Variants in CRTAC1 observed in about 807,000 individuals in gnomAD.
CRTAC1 encodes acidic secreted protein in cartilage.
A neutral mutation model predicts 67.8 loss-of-function variants in CRTAC1; 37 were observed. The observed-to-expected ratio is 0.55, with a 90% CI of 0.42 to 0.72. The LOEUF is 0.72. Ranked by LOEUF, CRTAC1 falls within the 30% of genes least tolerant of loss-of-function variation. The pLI is 0.00. For missense variants in CRTAC1, 780 were observed against 931.6 expected (o/e 0.84, Z 2.12); for synonymous variants, 348 against 371.0 (o/e 0.94, Z 0.71).
At chr10:97,967,282 C>G (rs1252196919) in intron 2 of CRTAC1, among the ~76,000 whole-genome samples, 1 of 152,188 alleles carries the variant, frequency 6.6e-6, no homozygotes, top group East Asian at 1.9e-4. Context: ...ATTGGGAGCT[C>G]TTTCAGTTAG....
intron 2 of CRTAC1, among the ~76,000 whole-genome samples, chr10:97,989,640 G>A (rs1842398262): frequency 6.6e-6 from 1 of 152,232 alleles, no homozygotes; most frequent in South Asian, 2.1e-4. Flanking sequence ...GTTACACGTT[G>A]CATGCCATAA....
intron 11 of CRTAC1, among the ~76,000 whole-genome samples, chr10:97,885,084 G>GAT (rs1244480528): frequency 1.3e-5 from 2 of 152,254 alleles, no homozygotes; most frequent in African/African-American, 4.8e-5. Flanking sequence ...AATAATGCCA[G>GAT]ATATTGACAA....
Position 97,991,099 on chromosome 10 carries a change from C to CCAAAAAAA in CRTAC1, c.224+20038_224+20039insTTTTTTTG, listed in dbSNP as rs1554932158. 2.8e-3 allele frequency among the ~76,000 whole-genome samples: 51 copies of CCAAAAAAA among 17,974 alleles called. 1 individual carries two copies. The highest frequency in any genetic ancestry group is 9.0e-3 in the African/African-American group (48 of 5,334). The allele number at this position is 17,974 out of a possible 152,430, so 11.8% of individuals were successfully genotyped here. On this transcript the variant is annotated intron_variant, in intron 2 of 14. Transcript: ENST00000370597. Reference sequence around the variant, plus strand: ...GGCAACATACGAGAAACCATCTCTACAAAAAAAAAAAAAAAAAAAAAAAAA... The same window carrying CCAAAAAAA: ...GGCAACATACGAGAAACCATCTCTACCAAAAAAAAAAAAAAAAAAAAAAAAAAAAAAAA...
chr10:98,004,370 A>T (rs1232114949), intron 2 of CRTAC1, among the ~76,000 whole-genome samples: 1 of 152,240 alleles, frequency 6.6e-6, no homozygotes, highest in Non-Finnish European at 1.5e-5. Context: ...TTAAATCTAC[A>T]TTGACAAAGT....
At chr10:97,984,124 G>A (rs920194182) in intron 2 of CRTAC1, among the ~76,000 whole-genome samples, 3 of 152,140 alleles carry the variant, frequency 2.0e-5, no homozygotes, top group African/African-American at 7.2e-5. Flanking sequence ...ATGTGAAGGC[G>A]AAAATCCCTA....
At chr10:97,881,607 G>A (rs1002338473) in intron 13 of CRTAC1, among the ~76,000 whole-genome samples, 3 of 152,198 alleles carry the variant, frequency 2.0e-5, no homozygotes, top group Non-Finnish European at 2.9e-5. Context: ...CCTGTTGGGC[G>A]ATGAAAAGGA....
chr10:98,005,100 A>ATATATATATATTTTTTTTT, intron 2 of CRTAC1, among the ~76,000 whole-genome samples: 2 of 48,926 alleles, frequency 4.1e-5, no homozygotes, highest in African/African-American at 2.3e-4. Context: ...ATATATATAT[A>ATATATATATATTTTTTTTT]TTTTTTTTTT....
In CRTAC1 at chr10:97,865,526, C is replaced by A. The variant is rs368800333; in HGVS notation, c.*22G>T. On this transcript the variant is annotated 3_prime_UTR_variant, in exon 15 of 15. Coordinates refer to ENST00000370597, the MANE Select transcript of CRTAC1 (RefSeq NM_018058.7). ...CCACTCCCCTGCTGGACTCCATCCG[C>A]TGGTTCATGTCCCACCCCTGCTCAG... is the stretch of plus-strand genomic sequence containing the variant. 59 of 1,589,938 alleles carry A rather than the reference C, an allele frequency of 3.7e-5. No homozygotes were observed. In the African/African-American group the frequency reaches 7.1e-4, roughly 19 times the overall value.
intron 11 of CRTAC1, among the ~76,000 whole-genome samples, chr10:97,894,491 G>A (rs1024727318): frequency 1.3e-5 from 2 of 151,116 alleles, no homozygotes; most frequent in Non-Finnish European, 3.0e-5. Context: ...ACCTCCCTGG[G>A]CTCAGGCGAG....
intron 11 of CRTAC1, among the ~76,000 whole-genome samples, chr10:97,889,437 G>A (rs1227988082): frequency 6.9e-6 from 1 of 145,456 alleles, no homozygotes; most frequent in African/African-American, 2.5e-5. Context: ...GGGTGAAGAG[G>A]GGCTGTGGAA....
chr10:97,963,516 C>T (rs554815016), intron 2 of CRTAC1, among the ~76,000 whole-genome samples: 139 of 152,300 alleles, frequency 9.1e-4, no homozygotes, highest in African/African-American at 2.9e-3. Flanking sequence ...CCTTCTCAAA[C>T]GGAAACCTCA....
In CRTAC1 at chr10:97,936,370, G is replaced by C. The variant is rs2051088759; in HGVS notation, c.225-4C>G. 1 of 1,600,558 alleles carries C rather than the reference G, an allele frequency of 6.2e-7. No individual in the cohort carries two copies. Among genetic ancestry groups the C allele is most frequent in the Non-Finnish European group, 8.6e-7 (1 of 1,169,466 alleles). On this transcript the variant is annotated splice_region_variant and splice_polypyrimidine_tract_variant and intron_variant, in intron 2 of 14. Coordinates refer to ENST00000370597, the MANE Select transcript of CRTAC1 (RefSeq NM_018058.7). Reference sequence around the variant, plus strand: ...AACCAGGTTGGGTCCATTGTACCTGGAGGAGGAATGGGGAGGGGATGCTGG... The same window carrying C: ...AACCAGGTTGGGTCCATTGTACCTGCAGGAGGAATGGGGAGGGGATGCTGG...
Position 97,901,534 on chromosome 10 carries a change from A to G in CRTAC1, c.1102T>C (p.Tyr368His). ...AGGCGGTTGGCTGAGGAGCTGCGGTAGGCAATGTTGTTGAAGAAGATCTCC... is the reference window on the plus strand; with the variant it reads ...AGGCGGTTGGCTGAGGAGCTGCGGTGGGCAATGTTGTTGAAGAAGATCTCC... Reference protein sequence around the residue: ...ELEIFFNNIAYRSSSANRLFR... With the variant: ...ELEIFFNNIAHRSSSANRLFR... Residue 368 changes from tyrosine (Y) to histidine (H), a missense_variant, in exon 8 of 15, where the codon TAC becomes CAC. Physicochemically the swap from Tyr to His is moderately conservative, Grantham distance 83. Coordinates refer to ENST00000370597, the MANE Select transcript of CRTAC1 (RefSeq NM_018058.7). The G allele has an allele frequency of 1.9e-6, 3 of 1,614,194 alleles. No homozygotes were observed. Among genetic ancestry groups the G allele is most frequent in the Non-Finnish European group, 2.5e-6 (3 of 1,180,044 alleles).
At chr10:97,874,858 T>TAAGG in intron 14 of CRTAC1, among the ~76,000 whole-genome samples, 1 of 152,160 alleles carries the variant, frequency 6.6e-6, no homozygotes, top group South Asian at 2.1e-4. Flanking sequence ...ATCCGGGCCT[T>TAAGG]CCCGGATGGC....
intron 2 of CRTAC1, among the ~76,000 whole-genome samples, chr10:97,971,078 A>G (rs924388879): frequency 3.3e-5 from 5 of 152,232 alleles, no homozygotes; most frequent in African/African-American, 1.2e-4. Context: ...AGATAAACCA[A>G]ATAATAATAT....
chr10:97,962,995 G>T (rs145326838), intron 2 of CRTAC1, among the ~76,000 whole-genome samples: 14 of 152,132 alleles, frequency 9.2e-5, no homozygotes, highest in East Asian at 5.8e-4. Flanking sequence ...GAGACTAAAG[G>T]TTCCAAAATT....
chr10:97,977,853 A>G (rs1001429427), intron 2 of CRTAC1, among the ~76,000 whole-genome samples: 1 of 152,178 alleles, frequency 6.6e-6, no homozygotes, highest in African/African-American at 2.4e-5. Context: ...GATCATCAGT[A>G]TGTACGGCCT....
intron 2 of CRTAC1, among the ~76,000 whole-genome samples, chr10:97,973,393 C>T (rs1039099508): frequency 3.3e-5 from 5 of 151,930 alleles, no homozygotes; most frequent in Admixed American, 6.6e-5. Flanking sequence ...CCCCCCACCC[C>T]GGCCCCCTTT....
At chr10:97,960,228 A>T (rs2051505056) in intron 2 of CRTAC1, among the ~76,000 whole-genome samples, 1 of 152,206 alleles carries the variant, frequency 6.6e-6, no homozygotes, top group Admixed American at 6.5e-5. Flanking sequence ...CCCCGCTGTA[A>T]CTTTTCTGTA....
Sources: gnomAD v4.1 joint callset for allele counts (sites outside exome capture counted in the v4.1 genomes callset) on GRCh38, gnomAD v4.1.1 for gene constraint, MANE v1.5 for transcripts, NCBI Gene and HGNC (gene_info 2026-07-23, HGNC 2026-07-21) for gene names.